Variants in SUGP1 observed in about 807,000 individuals in gnomAD.
The protein encoded by SUGP1 is SURP and G-patch domain-containing protein 1.
A neutral mutation model predicts 76.5 loss-of-function variants in SUGP1; 34 were observed. The observed-to-expected ratio is 0.44, with a 90% CI of 0.34 to 0.59. The LOEUF is 0.59. Among genes scored for constraint, SUGP1 ranks in the 20% least tolerant of loss-of-function variants. SUGP1 has a pLI of 0.01. For missense variants in SUGP1, 752 were observed against 851.7 expected (o/e 0.88, Z 1.46); for synonymous variants, 326 against 326.2 (o/e 1.00, Z 0.01).
chr19:19,295,481 G>C (rs2061217800), intron 8 of SUGP1, among the ~76,000 whole-genome samples: 1 of 151,846 alleles, frequency 6.6e-6, no homozygotes. Flanking sequence ...GCACACGCCT[G>C]TAGTCCCAGC....
chr19:19,315,242 T>G (rs760181324), intron 2 of SUGP1, among the ~76,000 whole-genome samples: 17 of 151,722 alleles, frequency 1.1e-4, no homozygotes, highest in Non-Finnish European at 1.5e-4. Context: ...GCAAGAGAAC[T>G]GCTAAAGCCC....
rs371791944 is a variant in SUGP1, at chr19:19,320,471, T to C, written c.26A>G (p.Asp9Gly). The change falls in exon 1 of 14, where the codon GAT (aspartate) becomes GGT (glycine). Residue 9 changes from aspartate to glycine, a missense_variant. Coordinates refer to ENST00000247001, the MANE Select transcript of SUGP1 (RefSeq NM_172231.4). ...GAGGCGGGGGCTGTTACCTGCAACA[T>C]CCCGGTTGTCCATCTTGAGACTCAT... MSLKMDNR[D>G]VAGKANRWFG... 16 of 1,609,640 alleles carry C rather than the reference T, an allele frequency of 9.9e-6. No homozygotes were observed. The highest frequency in any genetic ancestry group is 5.1e-5 in the Admixed American group (3 of 59,262).
At chr19:19,303,553 A>T in intron 5 of SUGP1, 105 bp from the exon 6 acceptor site, 1 of 1,346,746 alleles carries the variant, frequency 7.4e-7, no homozygotes. Flanking sequence ...GCGAGCAGGG[A>T]CCCGAAAGCA....
In SUGP1 at chr19:19,280,285, T is replaced by C; in HGVS notation, c.1250A>G (p.Asp417Gly). 6.2e-7 allele frequency: 1 copy of C among 1,613,692 alleles called. No individual in the cohort carries two copies. Among genetic ancestry groups the C allele is most frequent in the Non-Finnish European group, 8.5e-7 (1 of 1,179,886 alleles). Reference protein sequence around the residue: ...DASPSPLSVQDLKGLGYEKGK... With the variant: ...DASPSPLSVQGLKGLGYEKGK... ...CTTCTCATAGCCGAGCCCCTTGAGG[T>C]CCTGAACTGGAAACCAAAGACACAG... The change falls in exon 9 of 14, where the codon GAC (aspartate) becomes GGC (glycine). Residue 417 changes from aspartate to glycine, a missense_variant. Transcript: ENST00000247001.
intron 9 of SUGP1, among the ~76,000 whole-genome samples, 168 bp from the exon 10 acceptor site, chr19:19,279,558 G>C (rs1266376191): frequency 3.3e-5 from 5 of 152,234 alleles, no homozygotes; most frequent in Non-Finnish European, 7.3e-5. Flanking sequence ...TACTGCCCTG[G>C]GTTCTCTAAA....
At chr19:19,300,389 T>C (rs1019194630) in intron 7 of SUGP1, among the ~76,000 whole-genome samples, 4 of 152,260 alleles carry the variant, frequency 2.6e-5, no homozygotes, top group Non-Finnish European at 5.9e-5. Context: ...AGCTTCTTTA[T>C]AGCCATGCAG....
intron 3 of SUGP1, among the ~76,000 whole-genome samples, chr19:19,308,453 C>A (rs139847469): frequency 0.011 from 1,610 of 152,374 alleles, 26 homozygotes; most frequent in African/African-American, 0.037. Context: ...CAGACGTGGT[C>A]TGCTTGCACG....
intron 8 of SUGP1, among the ~76,000 whole-genome samples, chr19:19,287,622 C>T (rs577858346): frequency 6.6e-5 from 10 of 152,016 alleles, no homozygotes; most frequent in Non-Finnish European, 1.5e-5. Flanking sequence ...GAGAAATTAA[C>T]AGAAGACAGC....
chr19:19,277,674 C>T (rs1394413120), intron 12 of SUGP1, 60 bp downstream of exon 12: 46 of 1,582,514 alleles, frequency 2.9e-5, no homozygotes, highest in Middle Eastern at 1.7e-4. Context: ...AATGGGGAGG[C>T]GGCAGGGGAC....
chr19:19,299,007 C>T (rs1368740330), intron 7 of SUGP1, among the ~76,000 whole-genome samples: 1 of 152,206 alleles, frequency 6.6e-6, no homozygotes, highest in African/African-American at 2.4e-5. Flanking sequence ...CCCAACACCC[C>T]ATCTAGAACA....
chr19:19,296,924 G>A, intron 8 of SUGP1, 65 bp downstream of exon 8: 1 of 1,327,154 alleles, frequency 7.5e-7, no homozygotes, highest in Non-Finnish European at 1.0e-6. Context: ...GAACCTTGAA[G>A]ACATTATGCT....
Position 19,297,334 on chromosome 19 carries a change from C to T in SUGP1, c.898G>A (p.Glu300Lys). Reference sequence around the variant, plus strand: ...TACTTGTACCCTTGGCTATTGGGCTCATACAGAAAGCTGCAAAGGAGAGTT... The same window carrying T: ...TACTTGTACCCTTGGCTATTGGGCTTATACAGAAAGCTGCAAAGGAGAGTT... ...RENQAFSFLY[E>K]PNSQGYKYYR... Residue 300 changes from glutamate (E) to lysine (K), a missense_variant, in exon 8 of 14, where the codon GAG (glutamate) becomes AAG (lysine). Transcript: ENST00000247001. 1 of 1,514,490 alleles carries T rather than the reference C, an allele frequency of 6.6e-7. No individual in the cohort carries two copies. The highest frequency in any genetic ancestry group is 8.9e-7 in the Non-Finnish European group (1 of 1,128,842). 93.8% of individuals were successfully genotyped at this position (1,514,490 alleles called of 1,614,324 possible). A position where few individuals can be genotyped will look rare whatever the true frequency, so the allele number is the denominator to read the frequency against.
chr19:19,305,243 G>A (rs2061307452), intron 4 of SUGP1, among the ~76,000 whole-genome samples: 2 of 152,300 alleles, frequency 1.3e-5, no homozygotes, highest in South Asian at 4.1e-4. Flanking sequence ...CCTTCACACA[G>A]TTCAGGTGTC....
chr19:19,278,569 G>A, intron 11 of SUGP1, 121 bp downstream of exon 11: 1 of 814,258 alleles, frequency 1.2e-6, no homozygotes, highest in Non-Finnish European at 2.0e-6. Flanking sequence ...GCAGCGAAAA[G>A]GCCTGGCTCC....
At chr19:19,310,319 G>A in intron 2 of SUGP1, 119 bp from the exon 3 acceptor site, 1 of 759,756 alleles carries the variant, frequency 1.3e-6, no homozygotes, top group Non-Finnish European at 2.3e-6. Flanking sequence ...ACTCACCCCA[G>A]CACTCTCACC....
intron 12 of SUGP1, 104 bp downstream of exon 12, chr19:19,277,630 C>G: frequency 7.0e-7 from 1 of 1,438,432 alleles, no homozygotes; most frequent in Non-Finnish European, 9.4e-7. Context: ...GATCATTTTG[C>G]CACAAGGGAA....
At chr19:19,318,076 G>T (rs1452278216) in intron 1 of SUGP1, among the ~76,000 whole-genome samples, 1 of 147,884 alleles carries the variant, frequency 6.8e-6, no homozygotes, top group African/African-American at 2.5e-5. Context: ...CTCTCAAAGC[G>T]CTGGAATTAC....
At chr19:19,292,715 G>C (rs552462617) in intron 8 of SUGP1, among the ~76,000 whole-genome samples, 1 of 152,060 alleles carries the variant, frequency 6.6e-6, no homozygotes, top group African/African-American at 2.4e-5. Context: ...ATATTCCTAT[G>C]AATACAGATG....
chr19:19,302,416 C>T (rs1568629805), intron 6 of SUGP1, 28 bp from the exon 7 acceptor site: 1 of 1,608,440 alleles, frequency 6.2e-7, no homozygotes, highest in Non-Finnish European at 8.5e-7. Flanking sequence ...GTACTGGGCT[C>T]AACTCACCAC....
Sources: allele counts gnomAD v4.1 joint callset (sites outside exome capture counted in the v4.1 genomes callset), GRCh38; gene constraint gnomAD v4.1.1; transcripts MANE v1.5; gene names NCBI Gene and HGNC (gene_info 2026-07-23, HGNC 2026-07-21).